The following FBXW10 variants were observed in gnomAD, a reference collection of about 807,000 sequenced individuals.
FBXW10 encodes F-box and WD repeat domain containing 10.
A neutral mutation model predicts 113.1 loss-of-function variants in FBXW10; 68 were observed. The observed-to-expected ratio is 0.60, with a 90% confidence interval of 0.49 to 0.74. The LOEUF (loss-of-function observed/expected upper bound fraction) is 0.74. FBXW10 is among the 30% of genes least tolerant of loss of function. The pLI is 0.00. For synonymous variants in FBXW10, 289 were observed against 481.6 expected, an observed-to-expected ratio of 0.60 and a Z score of 5.24; for missense variants, 753 against 1,284.5, an observed-to-expected ratio of 0.59 and a Z score of 6.32.
intron 5 of FBXW10, among the ~76,000 whole-genome samples, chr17:18,751,544 C>G (rs910984259): frequency 1.3e-5 from 2 of 152,162 alleles, no homozygotes; most frequent in South Asian, 2.1e-4. Flanking sequence ...ACTTCCTCTT[C>G]TTAAGCCTTG....
rs766487517 is a variant in FBXW10, at chr17:18,749,883, A to G, written c.832A>G (p.Ile278Val). 2.5e-6 allele frequency: 4 copies of G among 1,613,992 alleles called. No homozygotes were observed. Among genetic ancestry groups the G allele is most frequent in the Non-Finnish European group, 3.4e-6 (4 of 1,179,948 alleles). Residue 278 changes from isoleucine to valine, a missense_variant, in exon 3 of 14, where the codon ATC becomes GTC. Physicochemically the swap from Ile to Val is conservative, Grantham distance 29. Transcript: ENST00000395665. The part of the protein sequence containing the change: ...SSGFSKYRDF[I>V]RYLPIHLSKY... ...TGGGTTCAGCAAATACCGAGACTTC[A>G]TCCGTTACCTGCCCATCCACCTCTC...
chr17:18,758,330 T>C lies in FBXW10; in HGVS notation c.1258T>C (p.Tyr420His), dbSNP rs745906947. The change falls in exon 7 of 14, where the codon TAT becomes CAT. Residue 420 changes from tyrosine to histidine, a missense_variant. Physicochemically the swap from Tyr to His is moderately conservative, Grantham distance 83. Coordinates refer to ENST00000395665, the MANE Select transcript of FBXW10 (RefSeq NM_001267585.2). ...GTGGGATCAAAACCGAGTCATCCAC[T>C]ATTCCGGGGGAGATCTGATAGCTGT... ...DTWDQNRVIH[Y>H]SGGDLIAVSS... The C allele has an allele frequency of 1.6e-5, 26 of 1,594,524 alleles. No homozygotes were observed. In the East Asian group the frequency reaches 2.9e-4, roughly 18 times the overall value.
chr17:18,750,019 A>C lies in FBXW10; in HGVS notation c.881A>C (p.Asp294Ala). 6.2e-7 allele frequency: 1 copy of C among 1,613,920 alleles called. No homozygotes were observed. Among genetic ancestry groups the C allele is most frequent in the Non-Finnish European group, 8.5e-7 (1 of 1,180,004 alleles). Residue 294 changes from aspartate to alanine, a missense_variant, in exon 4 of 14, where the codon GAT becomes GCT. By Grantham distance (126) the Asp-to-Ala change is moderately radical. Coordinates refer to ENST00000395665, the MANE Select transcript of FBXW10 (RefSeq NM_001267585.2). The stretch of plus-strand genomic sequence containing the variant: ...ATCTTTTTTTTTCCAGGAATGCTGG[A>C]TAGACACACCCTGAACAAGTGCGCC... ...HLSKYILRML[D>A]RHTLNKCASV...
At chr17:18,762,772 C>T (rs1301025947) in intron 7 of FBXW10, among the ~76,000 whole-genome samples, 3 of 151,966 alleles carry the variant, frequency 2.0e-5, no homozygotes, top group Non-Finnish European at 4.4e-5. Flanking sequence ...AATACATCTA[C>T]AGTTTCTCCA....
intron 9 of FBXW10, 40 bp downstream of exon 9, chr17:18,766,902 G>A (rs750855958): frequency 1.6e-5 from 24 of 1,538,816 alleles, no homozygotes; most frequent in Non-Finnish European, 2.0e-5. Flanking sequence ...AAGGGCACTG[G>A]GGAGGAGATG....
rs1230319943 is a variant in FBXW10 at position 18,767,000 on chromosome 17, G to A, written c.1704+138G>A. 6.3e-6 allele frequency: 7 copies of A among 1,115,224 alleles called. No homozygotes were observed. The African/African-American group carries it at 9.2e-5, about 15-fold the overall frequency. The allele number at this position is 1,115,224 out of a possible 1,614,324, so 69.1% of individuals were successfully genotyped here. A position where few individuals can be genotyped will look rare whatever the true frequency, so the allele number is the denominator to read the frequency against. Reference sequence around the variant, plus strand: ...AGGACAGTCCTGAAGCTCTAAAGGGGAAGGCCCCAAAGTGAGGCATTCAGA... The same window carrying A: ...AGGACAGTCCTGAAGCTCTAAAGGGAAAGGCCCCAAAGTGAGGCATTCAGA... On this transcript the variant is annotated intron_variant, in intron 9 of 13. Coordinates refer to ENST00000395665, the MANE Select transcript of FBXW10 (RefSeq NM_001267585.2).
At chr17:18,767,945 C>G (rs1284011520) in intron 9 of FBXW10, among the ~76,000 whole-genome samples, 1 of 152,154 alleles carries the variant, frequency 6.6e-6, no homozygotes, top group Non-Finnish European at 1.5e-5. Context: ...CCTCCTTAAC[C>G]CGAGAGAGAG....
In FBXW10 at chr17:18,772,697, A is replaced by G; in HGVS notation, c.2278+14A>G. The G allele has an allele frequency of 6.2e-7, 1 of 1,603,816 alleles. No homozygotes were observed. The highest frequency in any genetic ancestry group is 8.5e-7 in the Non-Finnish European group (1 of 1,175,794). ...AGTTCTCTTCAGGTAAAAAACTGAA[A>G]TACCAGCAAGTTCAGTGATAACCCA... On this transcript the variant is annotated intron_variant, in intron 12 of 13. Transcript: ENST00000395665.
chr17:18,768,177 C>G (rs796253828), intron 9 of FBXW10, among the ~76,000 whole-genome samples: 3 of 152,030 alleles, frequency 2.0e-5, no homozygotes, highest in East Asian at 3.9e-4. Context: ...AAGCGATTCT[C>G]CTGCCTCAGC....
intron 4 of FBXW10, 44 bp from the exon 5 acceptor site, chr17:18,750,887 T>C: frequency 1.9e-6 from 3 of 1,582,758 alleles, no homozygotes; most frequent in Non-Finnish European, 2.6e-6. Flanking sequence ...AGAGAAGCCA[T>C]TTTCTGTTTT....
At position 18,769,915 on chromosome 17, in the gene FBXW10, G is replaced by T. The variant is rs2151825773; in HGVS notation, c.1848-12G>T. On this transcript the variant is annotated splice_polypyrimidine_tract_variant and intron_variant, in intron 10 of 13. Coordinates refer to ENST00000395665, the MANE Select transcript of FBXW10 (RefSeq NM_001267585.2). ...GAGGATGGGTACTGCCTGCTACTCT[G>T]TTCCCTTCCAGGGAGGTGCTCGACG... is the stretch of plus-strand genomic sequence containing the variant. The T allele has an allele frequency of 6.2e-7, 1 of 1,613,996 alleles. No homozygotes were observed. Among genetic ancestry groups the T allele is most frequent in the South Asian group, 1.1e-5 (1 of 91,068 alleles).
chr17:18,759,850 C>T (rs550589167), intron 7 of FBXW10, among the ~76,000 whole-genome samples: 164 of 152,182 alleles, frequency 1.1e-3, no homozygotes, highest in African/African-American at 3.6e-3. Flanking sequence ...CTCCTGACCT[C>T]GTGATCCACC....
At chr17:18,749,076 T>C (rs1466022493) in intron 2 of FBXW10, among the ~76,000 whole-genome samples, 1 of 152,220 alleles carries the variant, frequency 6.6e-6, no homozygotes, top group South Asian at 2.1e-4. Context: ...ATCAACACTT[T>C]ACCAATTTTA....
intron 13 of FBXW10, among the ~76,000 whole-genome samples, chr17:18,778,156 G>C (rs76877955): frequency 0.091 from 13,800 of 151,880 alleles, 1,238 homozygotes; most frequent in East Asian, 0.47. Context: ...GGGAGGCTGA[G>C]GCAGGAGAAC....
chr17:18,757,154 ATG>A (rs1313574850), intron 6 of FBXW10, among the ~76,000 whole-genome samples: 8 of 152,222 alleles, frequency 5.3e-5, no homozygotes, highest in African/African-American at 1.9e-4. Context: ...ACACATATAT[ATG>A]TAGTTTAAAG....
intron 2 of FBXW10, among the ~76,000 whole-genome samples, 174 bp downstream of exon 2, chr17:18,748,279 G>A (rs1240771767): frequency 6.6e-6 from 1 of 151,946 alleles, no homozygotes; most frequent in Non-Finnish European, 1.5e-5. Context: ...AATTAGCCAG[G>A]CGCAGTGGCA....
intron 12 of FBXW10, 29 bp from the exon 13 acceptor site, chr17:18,775,107 C>T (rs1258468820): frequency 6.5e-7 from 1 of 1,540,938 alleles, no homozygotes; most frequent in African/African-American, 1.4e-5. Context: ...TATATAATGA[C>T]TACAGCTTCT....
At chr17:18,748,541 T>G (rs1373655885) in intron 2 of FBXW10, among the ~76,000 whole-genome samples, 4 of 151,880 alleles carry the variant, frequency 2.6e-5, no homozygotes, top group Non-Finnish European at 4.4e-5. Flanking sequence ...CACATTCATT[T>G]AGCATCTACA....
intron 7 of FBXW10, 115 bp from the exon 8 acceptor site, chr17:18,764,627 C>A (rs1416403022): frequency 6.5e-7 from 1 of 1,528,196 alleles, no homozygotes; most frequent in Non-Finnish European, 8.8e-7. Context: ...TGACTCTAAG[C>A]TGAACCATGA....
Sources: allele counts gnomAD v4.1 joint callset (sites outside exome capture counted in the v4.1 genomes callset), GRCh38; gene constraint gnomAD v4.1.1; transcripts MANE v1.5; gene names NCBI Gene and HGNC (gene_info 2026-07-23, HGNC 2026-07-21).